UGDH: variants seen among roughly 807,000 people sequenced by gnomAD.
UGDH encodes the protein UDP-Glc dehydrogenase.
A neutral mutation model predicts 50.6 loss-of-function variants in UGDH; 38 were observed. The observed-to-expected ratio is 0.75, with a 90% CI of 0.58 to 0.98. The LOEUF (loss-of-function observed/expected upper bound fraction) is 0.98, where lower values mean the gene tolerates loss of function less well. UGDH is among the 50% of genes least tolerant of loss of function. The pLI, the probability that UGDH is intolerant of heterozygous loss-of-function variation, is 0.00. For missense variants in UGDH, 465 were observed against 606.2 expected (o/e 0.77, Z 2.45); for synonymous variants, 168 against 199.9 (o/e 0.84, Z 1.35).
At chr4:39,505,141 T>C in intron 9 of UGDH, 96 bp downstream of exon 9, 1 of 1,224,752 alleles carries the variant, frequency 8.2e-7, no homozygotes, top group Non-Finnish European at 1.1e-6. Flanking sequence ...GGCCTACCAA[T>C]GATATACATG....
intron 7 of UGDH, 46 bp from the exon 8 acceptor site, chr4:39,505,794 C>T (rs750363968): frequency 6.4e-7 from 1 of 1,552,884 alleles, no homozygotes; most frequent in East Asian, 2.3e-5. Context: ...AAAAGAGGCA[C>T]AGCCTATGAC....
intron 1 of UGDH, among the ~76,000 whole-genome samples, chr4:39,523,402 G>A (rs1466755106): frequency 6.6e-6 from 1 of 152,086 alleles, no homozygotes; most frequent in Non-Finnish European, 1.5e-5. Context: ...TGGTAAAATA[G>A]TAAAAATGGA....
chr4:39,519,950 T>C (rs150691344), intron 2 of UGDH, among the ~76,000 whole-genome samples: 224 of 152,314 alleles, frequency 1.5e-3, no homozygotes, highest in African/African-American at 5.1e-3. Context: ...TTCCTATAGA[T>C]AGCAGGCAGA....
chr4:39,519,367 A>T (rs980096571), intron 2 of UGDH, among the ~76,000 whole-genome samples: 1 of 151,940 alleles, frequency 6.6e-6, no homozygotes, highest in African/African-American at 2.4e-5. Flanking sequence ...ATTTGTGAAG[A>T]CTAGAATACA....
At position 39,509,791 on chromosome 4, in the gene UGDH, T is replaced by C; in HGVS notation, c.780A>G (p.Arg260=). The C allele has an allele frequency of 6.2e-7, 1 of 1,610,800 alleles. No homozygotes were observed. The highest frequency in any genetic ancestry group is 8.5e-7 in the Non-Finnish European group (1 of 1,179,270). Residue 260 remains arginine, a synonymous_variant, in exon 6 of 12, where the codon AGA becomes AGG. Transcript: ENST00000316423. Reference sequence around the variant, plus strand: ...TGGCTTTTAGAAACTTGTTTCCAATTCTCTGGTCCATTCCAATCGCTGTTG... The same window carrying C: ...TGGCTTTTAGAAACTTGTTTCCAATCCTCTGGTCCATTCCAATCGCTGTTG... ...EVATAIGMDQ[R]IGNKFLKASV...
At chr4:39,522,103 C>T (rs1278803604) in intron 1 of UGDH, among the ~76,000 whole-genome samples, 1 of 152,082 alleles carries the variant, frequency 6.6e-6, no homozygotes, top group Non-Finnish European at 1.5e-5. Flanking sequence ...AATCAGAAAC[C>T]ATAAGGTGGT....
intron 7 of UGDH, among the ~76,000 whole-genome samples, chr4:39,506,048 C>G (rs755123398): frequency 2.0e-5 from 3 of 151,624 alleles, no homozygotes; most frequent in Non-Finnish European, 2.9e-5. Flanking sequence ...CTGGGCACCA[C>G]GGCGAGACCC....
intron 1 of UGDH, chr4:39,526,703 G>T: frequency 5.4e-6 from 1 of 186,094 alleles, no homozygotes; most frequent in Non-Finnish European, 1.2e-5. Flanking sequence ...ACCCAGGAAA[G>T]GCCTTCCCCG....
intron 2 of UGDH, among the ~76,000 whole-genome samples, chr4:39,519,345 C>T (rs968771910): frequency 6.6e-6 from 1 of 151,918 alleles, no homozygotes; most frequent in African/African-American, 2.4e-5. Flanking sequence ...GCCATGCCAC[C>T]ATGCCTGGCT....
chr4:39,504,628 G>T, intron 9 of UGDH, 120 bp from the exon 10 acceptor site: 1 of 870,900 alleles, frequency 1.1e-6, no homozygotes, highest in Non-Finnish European at 1.8e-6. Context: ...CTGAAACTGT[G>T]GAGAGTACTG....
chr4:39,508,396 G>A (rs569290997), intron 7 of UGDH, among the ~76,000 whole-genome samples, 170 bp downstream of exon 7: 1 of 152,172 alleles, frequency 6.6e-6, no homozygotes, highest in South Asian at 2.1e-4. Context: ...ACCATGCCTG[G>A]CTAATTTTTA....
Position 39,499,537 on chromosome 4 carries a change from G to A in UGDH, c.*606C>T, listed in dbSNP as rs1156978981. 1 of 152,078 alleles carries A rather than the reference G, an allele frequency of 6.6e-6. No homozygotes were observed. The highest frequency in any genetic ancestry group is 1.5e-5 in the Non-Finnish European group (1 of 67,998). The allele number at this position is 152,078 out of a possible 1,614,324, so 9.4% of individuals were successfully genotyped here. Reference sequence around the variant, plus strand: ...CTATGGACAATTTATAAAGTAAAGAGTTTGAAGTTTAATTTTTATTTTACA... The same window carrying A: ...CTATGGACAATTTATAAAGTAAAGAATTTGAAGTTTAATTTTTATTTTACA... On this transcript the variant is annotated 3_prime_UTR_variant, in exon 12 of 12. Transcript: ENST00000316423.
intron 11 of UGDH, among the ~76,000 whole-genome samples, chr4:39,501,296 A>G (rs2109914286): frequency 8.2e-6 from 1 of 122,200 alleles, no homozygotes; most frequent in Non-Finnish European, 1.7e-5. Context: ...TTTTTTTGAG[A>G]TGGAGTCTCG....
At chr4:39,501,620 T>G (rs550188535) in intron 11 of UGDH, among the ~76,000 whole-genome samples, 1 of 152,294 alleles carries the variant, frequency 6.6e-6, no homozygotes, top group East Asian at 1.9e-4. Flanking sequence ...AGGCCCCAGC[T>G]GGAATCCTGA....
Position 39,510,669 on chromosome 4 carries a change from T to G in UGDH, c.457A>C (p.Asn153His). Reference sequence around the variant, plus strand: ...TGCTTCATTTTTTATACCTGTAAATTCAAGTTGGGTTTTGTGTTTGCATCA... The same window carrying G: ...TGCTTCATTTTTTATACCTGTAAATGCAAGTTGGGTTTTGTGTTTGCATCA... Reference protein sequence around the residue: ...IFDANTKPNLNLQVLSNPEFL... With the variant: ...IFDANTKPNLHLQVLSNPEFL... Residue 153 changes from asparagine to histidine, a missense_variant, in exon 4 of 12, where the codon AAT becomes CAT. Asn to His is a moderately conservative substitution (Grantham distance 68, BLOSUM62 1). Transcript: ENST00000316423. 1 of 1,614,246 alleles carries G rather than the reference T, an allele frequency of 6.2e-7. No individual in the cohort carries two copies. Among genetic ancestry groups the G allele is most frequent in the South Asian group, 1.1e-5 (1 of 91,086 alleles).
intron 11 of UGDH, among the ~76,000 whole-genome samples, chr4:39,503,106 G>A (rs1745887439): frequency 6.6e-6 from 1 of 152,110 alleles, no homozygotes; most frequent in Admixed American, 6.5e-5. Flanking sequence ...TAGTAGAGAT[G>A]GGGTTTTACA....
intron 9 of UGDH, 63 bp from the exon 10 acceptor site, chr4:39,504,571 T>C (rs549862065): frequency 7.1e-7 from 1 of 1,401,524 alleles, no homozygotes; most frequent in Admixed American, 1.9e-5. Flanking sequence ...ATTACAGTAG[T>C]TCCCCCCTTA....
At chr4:39,518,968 G>A (rs898852734) in intron 2 of UGDH, among the ~76,000 whole-genome samples, 2 of 152,170 alleles carry the variant, frequency 1.3e-5, no homozygotes, top group African/African-American at 4.8e-5. Context: ...CCAGGCTGGA[G>A]TATAGTGGTG....
In UGDH at chr4:39,508,581, A is replaced by C; in HGVS notation, c.891T>G (p.Ala297=). The change falls in exon 7 of 12, where the codon GCT becomes GCG. Residue 297 remains alanine (A), a synonymous_variant. Transcript: ENST00000316423. ...AGATTAATACCTGCTGCCAATAACGAGCTACTTCTGGCAAATTCAGAGCCT... is the reference window on the plus strand; with the variant it reads ...AGATTAATACCTGCTGCCAATAACGCGCTACTTCTGGCAAATTCAGAGCCT... The part of the protein sequence containing the change: ...LCEALNLPEV[A]RYWQQVIDMN... 1 of 1,610,964 alleles carries C rather than the reference A, an allele frequency of 6.2e-7. No individual in the cohort carries two copies. The highest frequency in any genetic ancestry group is 8.5e-7 in the Non-Finnish European group (1 of 1,179,026).
Sources: allele counts gnomAD v4.1 joint callset (sites outside exome capture counted in the v4.1 genomes callset), GRCh38; gene constraint gnomAD v4.1.1; transcripts MANE v1.5; gene names NCBI Gene and HGNC (gene_info 2026-07-23, HGNC 2026-07-21).